Variants in PDE1A observed in about 807,000 individuals in gnomAD.
PDE1A encodes dual specificity calcium/calmodulin-dependent 3',5'-cyclic nucleotide phosphodiesterase 1A.
PDE1A carries 35 observed loss-of-function variants against 61.7 expected under a neutral mutation model. The observed-to-expected ratio is 0.57, with a 90% CI of 0.43 to 0.75. The LOEUF is 0.75. Among genes scored for constraint, PDE1A ranks in the 30% least tolerant of loss-of-function variants. The probability of loss-of-function intolerance (pLI) is 0.00; values close to 1 mark genes in which losing one functional copy is unlikely to be tolerated. For synonymous variants in PDE1A, 232 were observed against 213.2 expected (o/e 1.09, Z -0.77); for missense variants, 597 against 630.6 (o/e 0.95, Z 0.57).
the PDE1A span, among the ~76,000 whole-genome samples, chr2:182,591,515 AC>A: frequency 6.6e-6 from 1 of 152,116 alleles, no homozygotes; most frequent in Non-Finnish European, 1.5e-5. Flanking sequence ...CTGGGATACC[AC>A]CCTGATGGGT....
rs1213775801 is a variant in PDE1A at position 182,307,909 on chromosome 2, T to A, written c.54-43495A>T. On this transcript the variant is annotated intron_variant, in intron 1 of 13. Transcript: ENST00000351439. Reference sequence around the variant, plus strand: ...GAGATGAAAGATGACAAGTTGTTGGTGAGGGTGTGGAGAAAAGAGAACCCT... The same window carrying A: ...GAGATGAAAGATGACAAGTTGTTGGAGAGGGTGTGGAGAAAAGAGAACCCT... Among the ~76,000 whole-genome samples, 4 of 151,958 alleles carry A rather than the reference T, an allele frequency of 2.6e-5. No homozygotes were observed. In the East Asian group the frequency reaches 7.7e-4, roughly 29 times the overall value.
chr2:182,211,605 G>A (rs371423513), intron 7 of PDE1A, among the ~76,000 whole-genome samples: 15 of 152,134 alleles, frequency 9.9e-5, no homozygotes, highest in East Asian at 3.9e-4. Flanking sequence ...ATGAAGTTGC[G>A]AAGAACTGAC....
chr2:182,274,141 C>T (rs1347040109), intron 1 of PDE1A, among the ~76,000 whole-genome samples: 1 of 152,018 alleles, frequency 6.6e-6, no homozygotes, highest in African/African-American at 2.4e-5. Context: ...GCTCTGCCCC[C>T]ATGATCTAAT....
chr2:182,146,739 C>T (rs1264225479), downstream of PDE1A, among the ~76,000 whole-genome samples: 1 of 152,134 alleles, frequency 6.6e-6, no homozygotes, highest in Admixed American at 6.5e-5. Flanking sequence ...CCGCCTTGGC[C>T]TCGCAAAGTG....
At chr2:182,205,020 T>G (rs1283428739) in intron 8 of PDE1A, among the ~76,000 whole-genome samples, 1 of 152,190 alleles carries the variant, frequency 6.6e-6, no homozygotes, top group African/African-American at 2.4e-5. Flanking sequence ...TTTTTTAATG[T>G]TTTTATTGTC....
chr2:182,614,645 C>T, the PDE1A span, among the ~76,000 whole-genome samples: 1 of 151,452 alleles, frequency 6.6e-6, no homozygotes, highest in African/African-American at 2.4e-5. Context: ...GCAGCCTCCA[C>T]CTCCTGGGTT....
intron 10 of PDE1A, among the ~76,000 whole-genome samples, chr2:182,193,056 C>T (rs910885500): frequency 6.6e-6 from 1 of 151,950 alleles, no homozygotes; most frequent in Non-Finnish European, 1.5e-5. Flanking sequence ...AGCATGGTAT[C>T]GGCTCACTGC....
chr2:182,670,896 C>T, the PDE1A span, among the ~76,000 whole-genome samples: 1 of 152,046 alleles, frequency 6.6e-6, no homozygotes, highest in Non-Finnish European at 1.5e-5. Context: ...CGGCTCACTG[C>T]AACCTTTGCC....
the PDE1A span, among the ~76,000 whole-genome samples, chr2:182,537,289 AC>A: frequency 3.9e-5 from 6 of 152,210 alleles, no homozygotes; most frequent in African/African-American, 1.2e-4. Flanking sequence ...AAAATGTGGC[AC>A]ATATACACCA....
At chr2:182,427,344 A>G (rs1299051370), upstream of PDE1A, among the ~76,000 whole-genome samples, 2 of 152,190 alleles carry the variant, frequency 1.3e-5, no homozygotes, top group Non-Finnish European at 2.9e-5. Context: ...AAGATGCCAT[A>G]TCAACTGATA....
chr2:182,490,648 C>T (rs1416441336), intron 2 of PDE1A, among the ~76,000 whole-genome samples: 1 of 152,218 alleles, frequency 6.6e-6, no homozygotes, highest in African/African-American at 2.4e-5. Context: ...GCTGGGATTA[C>T]AGGCGTGAGC....
chr2:182,220,615 G>A (rs1346345332), intron 7 of PDE1A, among the ~76,000 whole-genome samples: 1 of 151,964 alleles, frequency 6.6e-6, no homozygotes, highest in Non-Finnish European at 1.5e-5. Context: ...ATGTAGCCTG[G>A]CATTTTCTTT....
chr2:182,643,497 G>A, the PDE1A span, among the ~76,000 whole-genome samples: 8 of 151,992 alleles, frequency 5.3e-5, no homozygotes, highest in East Asian at 9.6e-4. Context: ...CTGCCCAACC[G>A]TTATACATTG....
chr2:182,234,199 T>C (rs1689817735), intron 4 of PDE1A, among the ~76,000 whole-genome samples: 2 of 152,182 alleles, frequency 1.3e-5, no homozygotes, highest in African/African-American at 4.8e-5. Context: ...TGTGTGTGCA[T>C]ACAAACATGC....
At chr2:182,500,411 T>G (rs1268877742) in intron 2 of PDE1A, among the ~76,000 whole-genome samples, 2 of 151,874 alleles carry the variant, frequency 1.3e-5, no homozygotes, top group African/African-American at 4.8e-5. Flanking sequence ...TTAAAATAGA[T>G]AAATCAAAAA....
At chr2:182,561,416 T>A in the PDE1A span, among the ~76,000 whole-genome samples, 1 of 152,098 alleles carries the variant, frequency 6.6e-6, no homozygotes. Context: ...TTGATCTATA[T>A]CTCTGTTTTG....
intron 10 of PDE1A, among the ~76,000 whole-genome samples, chr2:182,199,882 G>GT (rs1254475608): frequency 1.3e-5 from 2 of 151,968 alleles, no homozygotes; most frequent in Non-Finnish European, 2.9e-5. Flanking sequence ...AGACAGAAAC[G>GT]TGAGTCATCC....
chr2:182,180,758 A>C (rs1051651434), intron 13 of PDE1A, among the ~76,000 whole-genome samples: 4 of 142,774 alleles, frequency 2.8e-5, no homozygotes, highest in African/African-American at 1.0e-4. Flanking sequence ...ACATAGTCCC[A>C]CATTTCTCGG....
chr2:182,433,772 C>T (rs1704073599), intron 2 of PDE1A, among the ~76,000 whole-genome samples: 1 of 152,036 alleles, frequency 6.6e-6, no homozygotes, highest in Non-Finnish European at 1.5e-5. Flanking sequence ...TACCTGTACC[C>T]TTCATCTCAA....
Sources: allele counts gnomAD v4.1 joint callset (sites outside exome capture counted in the v4.1 genomes callset), GRCh38; gene constraint gnomAD v4.1.1; transcripts MANE v1.5; gene names NCBI Gene and HGNC (gene_info 2026-07-23, HGNC 2026-07-21).